TBC1D19: variants seen among roughly 807,000 people sequenced by gnomAD.
The protein encoded by TBC1D19 is TBC1 domain family, member 19.
In TBC1D19, 60 loss-of-function variants were observed where a neutral mutation model predicts 89.0. That is an observed-to-expected ratio of 0.67 (90% CI 0.55 to 0.84). The LOEUF (loss-of-function observed/expected upper bound fraction) is 0.84. TBC1D19 is among the 40% of genes least tolerant of loss of function. TBC1D19 has a pLI of 0.00. For missense variants in TBC1D19, 500 were observed against 610.8 expected, an observed-to-expected ratio of 0.82 and a Z score of 1.91; for synonymous variants, 189 against 199.7, an observed-to-expected ratio of 0.95 and a Z score of 0.45.
intron 16 of TBC1D19, among the ~76,000 whole-genome samples, chr4:26,738,965 C>T (rs1025615842): frequency 1.3e-5 from 2 of 152,156 alleles, no homozygotes; most frequent in Non-Finnish European, 2.9e-5. Flanking sequence ...GAAATTCTTA[C>T]TTGTCCAATA....
At chr4:26,799,953 A>T in the TBC1D19 span, among the ~76,000 whole-genome samples, 23 of 143,938 alleles carry the variant, frequency 1.6e-4, no homozygotes, top group Non-Finnish European at 2.5e-4. Context: ...TCTTTTTTTT[A>T]AAAAACTGTG....
the TBC1D19 span, among the ~76,000 whole-genome samples, chr4:26,807,063 A>AC: frequency 6.6e-6 from 1 of 151,730 alleles, no homozygotes; most frequent in Non-Finnish European, 1.5e-5. Context: ...AATTGAAGAC[A>AC]CCCCCTTCCC....
Position 26,668,256 on chromosome 4 carries a change from T to C in TBC1D19, c.664+1851T>C, listed in dbSNP as rs187949105. ...AAGGAAGTAGTAACACAGCCTTGAGTTATATTTTTATTTTTTACTTTTGAA... is the reference window on the plus strand; with the variant it reads ...AAGGAAGTAGTAACACAGCCTTGAGCTATATTTTTATTTTTTACTTTTGAA... On this transcript the variant is annotated intron_variant, in intron 9 of 20. Coordinates refer to ENST00000264866, the MANE Select transcript of TBC1D19 (RefSeq NM_018317.4). Among the ~76,000 whole-genome samples the C allele has an allele frequency of 3.0e-4, 46 of 152,060 alleles. No individual in the cohort carries two copies. The East Asian group carries it at 7.9e-3, about 26-fold the overall frequency.
intron 16 of TBC1D19, among the ~76,000 whole-genome samples, chr4:26,737,478 C>T (rs531931500): frequency 6.6e-6 from 1 of 152,150 alleles, no homozygotes; most frequent in East Asian, 1.9e-4. Context: ...TACTTGATGT[C>T]ATCAAAGTTT....
chr4:26,665,085 C>G (rs1352726667), intron 8 of TBC1D19, among the ~76,000 whole-genome samples: 1 of 152,062 alleles, frequency 6.6e-6, no homozygotes, highest in African/African-American at 2.4e-5. Context: ...TTGAGATTTC[C>G]TTGGAAGGGG....
the TBC1D19 span, among the ~76,000 whole-genome samples, chr4:26,834,793 A>ACCC: frequency 6.6e-6 from 1 of 151,914 alleles, no homozygotes; most frequent in Non-Finnish European, 1.5e-5. Flanking sequence ...TGCCAGGGAG[A>ACCC]CCCCATCTAC....
intron 19 of TBC1D19, among the ~76,000 whole-genome samples, chr4:26,752,195 G>T (rs931029024): frequency 2.0e-5 from 3 of 151,138 alleles, no homozygotes; most frequent in Non-Finnish European, 4.4e-5. Context: ...CATTAGGTAT[G>T]CAGTATACCT....
the TBC1D19 span, among the ~76,000 whole-genome samples, chr4:26,828,636 A>G: frequency 1.3e-5 from 2 of 152,178 alleles, no homozygotes; most frequent in African/African-American, 4.8e-5. Flanking sequence ...CCCCATCTTC[A>G]AATCCTGCTT....
chr4:26,793,949 G>A, the TBC1D19 span, among the ~76,000 whole-genome samples: 2 of 152,044 alleles, frequency 1.3e-5, no homozygotes, highest in African/African-American at 4.8e-5. Flanking sequence ...GTCCATCTTG[G>A]GTCATGTGAC....
intron 1 of TBC1D19, among the ~76,000 whole-genome samples, chr4:26,600,486 A>C (rs748752690): frequency 2.0e-5 from 3 of 152,244 alleles, no homozygotes; most frequent in African/African-American, 7.2e-5. Flanking sequence ...TTCAGCTTTT[A>C]GAGAAAACTG....
chr4:26,858,805 C>T, the TBC1D19 span: 3 of 152,112 alleles, frequency 2.0e-5, no homozygotes, highest in African/African-American at 7.2e-5. Context: ...CTTTCCGGTT[C>T]CAGTAGTGAG....
chr4:26,807,064 C>T, the TBC1D19 span, among the ~76,000 whole-genome samples: 15 of 152,116 alleles, frequency 9.9e-5, no homozygotes, highest in African/African-American at 3.6e-4. Flanking sequence ...ATTGAAGACA[C>T]CCCCTTCCCA....
intron 16 of TBC1D19, 134 bp from the exon 17 acceptor site, chr4:26,739,730 A>T (rs80349380): frequency 8.5e-6 from 4 of 468,398 alleles, no homozygotes; most frequent in African/African-American, 8.1e-5. Context: ...AATGAAAAAA[A>T]GTAGTATGAT....
chr4:26,753,733 T>A, intron 19 of TBC1D19, 87 bp from the exon 20 acceptor site: 1 of 1,415,236 alleles, frequency 7.1e-7, no homozygotes, highest in Non-Finnish European at 9.9e-7. Context: ...TGAGTTTCCG[T>A]GCAGTGGATT....
intron 1 of TBC1D19, among the ~76,000 whole-genome samples, chr4:26,592,917 G>A (rs1163949064): frequency 6.6e-6 from 1 of 152,066 alleles, no homozygotes; most frequent in Admixed American, 6.6e-5. Flanking sequence ...TACTGCCCAA[G>A]GTAATTTATA....
chr4:26,753,618 TTGTC>T (rs1384071087), intron 19 of TBC1D19, among the ~76,000 whole-genome samples, 198 bp from the exon 20 acceptor site: 3 of 152,234 alleles, frequency 2.0e-5, no homozygotes, highest in East Asian at 3.8e-4. Context: ...GGTATTCAGT[TTGTC>T]TGGCCATCAG....
At chr4:26,655,534 C>T (rs1744737752) in intron 7 of TBC1D19, among the ~76,000 whole-genome samples, 1 of 152,214 alleles carries the variant, frequency 6.6e-6, no homozygotes, top group Non-Finnish European at 1.5e-5. Context: ...TTCGAGCTTC[C>T]TGGCTGCTTT....
At chr4:26,685,120 G>A (rs971046377) in intron 12 of TBC1D19, among the ~76,000 whole-genome samples, 7 of 152,158 alleles carry the variant, frequency 4.6e-5, no homozygotes, top group Admixed American at 6.5e-5. Flanking sequence ...TACTCTGGTA[G>A]GAGCTATTAA....
At chr4:26,578,368 A>G (rs762433891) in intron 1 of TBC1D19, among the ~76,000 whole-genome samples, 2 of 152,294 alleles carry the variant, frequency 1.3e-5, no homozygotes, top group East Asian at 1.9e-4. Context: ...GCAATCTTCA[A>G]TTTGATCTCA....
Sources: allele counts gnomAD v4.1 joint callset (sites outside exome capture counted in the v4.1 genomes callset), GRCh38; gene constraint gnomAD v4.1.1; transcripts MANE v1.5; gene names NCBI Gene and HGNC (gene_info 2026-07-23, HGNC 2026-07-21).